Variants in GLI1 observed in about 807,000 individuals in gnomAD.
GLI1 encodes transcription activator GLI1.
Under a neutral mutation model 87.8 loss-of-function variants are expected in GLI1, and 51 were observed. That is an observed-to-expected ratio of 0.58 (90% CI 0.46 to 0.73). The LOEUF is 0.73. Among genes scored for constraint, GLI1 ranks in the 30% least tolerant of loss-of-function variants. GLI1 has a pLI of 0.00. For synonymous variants in GLI1, 528 were observed against 558.2 expected, an observed-to-expected ratio of 0.95 and a Z score of 0.76; for missense variants, 1,292 against 1,437.2, an observed-to-expected ratio of 0.90 and a Z score of 1.63.
rs1871460447 is a variant in GLI1 at position 57,466,061 on chromosome 12, A to G, written c.762+136A>G. Reference sequence around the variant, plus strand: ...TGCTCAGTTGGGTAGGCAGAAGCTCAGAAGTTGTAGCTTTGCCTTAGGGAG... The same window carrying G: ...TGCTCAGTTGGGTAGGCAGAAGCTCGGAAGTTGTAGCTTTGCCTTAGGGAG... On this transcript the variant is annotated intron_variant, in intron 7 of 11. Transcript: ENST00000228682. 4.7e-6 allele frequency: 5 copies of G among 1,067,574 alleles called. No homozygotes were observed. In the South Asian group the frequency reaches 7.4e-5, roughly 16 times the overall value. 66.1% of individuals were successfully genotyped at this position (1,067,574 alleles called of 1,614,324 possible). A position where few individuals can be genotyped will look rare whatever the true frequency, so the allele number is the denominator to read the frequency against.
chr12:57,466,840 G>A (rs1871520460), intron 8 of GLI1, among the ~76,000 whole-genome samples: 1 of 152,130 alleles, frequency 6.6e-6, no homozygotes, highest in South Asian at 2.1e-4. Context: ...GGAGGTGGAG[G>A]TTGCAGTGAG....
In GLI1 at chr12:57,470,573, G is replaced by A. The variant is rs2139865097; in HGVS notation, c.1833G>A (p.Arg611=). The change falls in exon 12 of 12, where the codon CGG becomes CGA. Residue 611 remains arginine (R), a synonymous_variant. Coordinates refer to ENST00000228682, the MANE Select transcript of GLI1 (RefSeq NM_005269.3). ...CCACTGCAGCATCCAGCCTGGATCG[G>A]ATAGGTGGTCTTCCCATGCCTCCTT... ...TSPTAASSLD[R]IGGLPMPPWR... is the part of the protein sequence containing the mutation. 1 of 1,614,110 alleles carries A rather than the reference G, an allele frequency of 6.2e-7. No homozygotes were observed. Among genetic ancestry groups the A allele is most frequent in the Non-Finnish European group, 8.5e-7 (1 of 1,180,034 alleles).
rs1871566273 is a variant in GLI1, at chr12:57,467,407, G to A, written c.987G>A (p.Lys329=). Residue 329 remains lysine, a synonymous_variant, in exon 9 of 12, where the codon AAG becomes AAA. Coordinates refer to ENST00000228682, the MANE Select transcript of GLI1 (RefSeq NM_005269.3). ...ACCTGCGGTCACACACGGGTGAGAA[G>A]CCATACATGTGTGAGCACGAGGGCT... ...KTHLRSHTGE[K]PYMCEHEGCS... is the part of the protein sequence containing the mutation. 1.2e-6 allele frequency: 2 copies of A among 1,613,226 alleles called. No individual in the cohort carries two copies. Among genetic ancestry groups the A allele is most frequent in the Non-Finnish European group, 1.7e-6 (2 of 1,179,272 alleles).
Position 57,471,113 on chromosome 12 carries a change from A to C in GLI1, c.2373A>C (p.Pro791=). The change falls in exon 12 of 12, where the codon CCA becomes CCC. Residue 791 remains proline, a synonymous_variant. Transcript: ENST00000228682. The surrounding 1 kb of genome is among the most constrained non-coding windows in gnomAD (Gnocchi z 4.9). ...TCCCTTCCCACTCTGGGCTGTACCCAGGCCCCAAGGCTCTAGGTGGAACCT... is the reference window on the plus strand; with the variant it reads ...TCCCTTCCCACTCTGGGCTGTACCCCGGCCCCAAGGCTCTAGGTGGAACCT... The part of the protein sequence containing the change: ...GEFPSHSGLY[P]GPKALGGTYS... 1.2e-6 allele frequency: 2 copies of C among 1,613,358 alleles called. No homozygotes were observed. Among genetic ancestry groups the C allele is most frequent in the Non-Finnish European group, 1.7e-6 (2 of 1,179,674 alleles).
rs1339134061 is a variant in GLI1, at chr12:57,470,865, G to T, written c.2125G>T (p.Val709Phe). The T allele has an allele frequency of 5.6e-6, 9 of 1,610,750 alleles. No individual in the cohort carries two copies. Among genetic ancestry groups the T allele is most frequent in the African/African-American group, 1.3e-5 (1 of 74,960 alleles). Residue 709 changes from valine to phenylalanine, a missense_variant, in exon 12 of 12, where the codon GTT becomes TTT. Physicochemically the swap from Val to Phe is conservative, Grantham distance 50. Transcript: ENST00000228682. ...DARGLQEEPE[V>F]GTSMVGSGLN... ...TAGAGGGCTACAGGAAGAGCCAGAA[G>T]TTGGGACCTCCATGGTGGGCAGTGG...
chr12:57,463,737 C>T lies in GLI1; in HGVS notation c.46C>T (p.Pro16Ser). ...TPPPISSYGE[P>S]CCLRPLPSQG... ...ACCACCAATCAGTAGCTATGGCGAG[C>T]CCTGCTGTCTCCGGCCCCTCCCCAG... The change falls in exon 2 of 12, where the codon CCC (proline) becomes TCC (serine). Residue 16 changes from proline to serine, a missense_variant. Around this residue, in one of 3 missense-constraint regions of GLI1, gnomAD observed 383 missense variants for 368.4 expected, o/e 1.04. Transcript: ENST00000228682. 6.2e-7 allele frequency: 1 copy of T among 1,612,170 alleles called. No individual in the cohort carries two copies.
At chr12:57,465,344 G>T in intron 5 of GLI1, 89 bp downstream of exon 5, 2 of 1,247,064 alleles carry the variant, frequency 1.6e-6, no homozygotes, top group Non-Finnish European at 2.3e-6. Context: ...GGAAGGACAA[G>T]GGATATAAGT....
In GLI1 at chr12:57,471,432, G is replaced by T. The variant is rs147494642; in HGVS notation, c.2692G>T (p.Val898Leu). Residue 898 changes from valine to leucine, a missense_variant, in exon 12 of 12, where the codon GTG (valine) becomes TTG (leucine). Transcript: ENST00000228682. This position sits in a 1 kb window ranked among gnomAD's most constrained non-coding sequence, Gnocchi z 4.9. ...HSTGQLKAQL[V>L]CNYVQSQQEL... ...CACAGGGCAGCTCAAGGCTCAGCTT[G>T]TGTGTAATTATGTTCAATCTCAACA... 5 of 1,613,758 alleles carry T rather than the reference G, an allele frequency of 3.1e-6. No homozygotes were observed. In the African/African-American group the frequency reaches 4.0e-5, roughly 13 times the overall value.
In GLI1 at chr12:57,467,330, C is replaced by T; in HGVS notation, c.913-3C>T. On this transcript the variant is annotated splice_polypyrimidine_tract_variant and splice_region_variant and intron_variant, in intron 8 of 11. Coordinates refer to ENST00000228682, the MANE Select transcript of GLI1 (RefSeq NM_005269.3). The stretch of plus-strand genomic sequence containing the variant: ...TATCCTTTGACCCCTGCATGTCCCC[C>T]AGTTTGAAGGGTGCCGGAAGTCATA... 6.2e-7 allele frequency: 1 copy of T among 1,600,884 alleles called. No individual in the cohort carries two copies. The highest frequency in any genetic ancestry group is 8.5e-7 in the Non-Finnish European group (1 of 1,169,896).
At chr12:57,469,399 G>C (rs746068802) in intron 10 of GLI1, 32 bp from the exon 11 acceptor site, 1 of 1,604,842 alleles carries the variant, frequency 6.2e-7, no homozygotes, top group Non-Finnish European at 8.5e-7. Flanking sequence ...TGTGGGGAAG[G>C]GTGTTGCCCT....
chr12:57,470,493 C>G lies in GLI1; in HGVS notation c.1753C>G (p.Gln585Glu). The G allele has an allele frequency of 6.2e-7, 1 of 1,614,042 alleles. No individual in the cohort carries two copies. The highest frequency in any genetic ancestry group is 8.5e-7 in the Non-Finnish European group (1 of 1,179,954). Reference protein sequence around the residue: ...ASSLPGLMPAQHYLLRARYAS... With the variant: ...ASSLPGLMPAEHYLLRARYAS... ...CTCCCTGCCTGGCCTTATGCCTGCC[C>G]AGCACTACCTGCTTCGGGCAAGATA... The change falls in exon 12 of 12, where the codon CAG becomes GAG. Residue 585 changes from glutamine (Q) to glutamate (E), a missense_variant. Gln to Glu is a conservative substitution (Grantham distance 29). Transcript: ENST00000228682.
intron 7 of GLI1, 111 bp from the exon 8 acceptor site, chr12:57,466,129 T>C (rs1198081221): frequency 3.8e-5 from 46 of 1,217,418 alleles, no homozygotes; most frequent in Non-Finnish European, 5.3e-5. Context: ...CTCCTGCCTC[T>C]TCCTCCTTGA....
At chr12:57,463,217 G>A (rs3782125) in intron 1 of GLI1, among the ~76,000 whole-genome samples, 73,417 of 151,858 alleles carry the variant, frequency 0.48, 20,106 homozygotes, top group Middle Eastern at 0.71. Flanking sequence ...CACTCAGCGA[G>A]TGATGCTTTT....
chr12:57,466,459 G>A, intron 8 of GLI1, 70 bp downstream of exon 8: 1 of 1,235,542 alleles, frequency 8.1e-7, no homozygotes, highest in Non-Finnish European at 1.1e-6. Flanking sequence ...TAGGGCCCAA[G>A]GCAGACTTTT....
intron 3 of GLI1, 61 bp from the exon 4 acceptor site, chr12:57,464,612 G>A: frequency 8.2e-7 from 1 of 1,226,192 alleles, no homozygotes; most frequent in Non-Finnish European, 1.2e-6. Context: ...GGACCCATAG[G>A]TTAGGTGCAT....
rs1276506226 is a variant in GLI1, at chr12:57,470,906, G to C, written c.2166G>C (p.Met722Ile). 6.2e-7 allele frequency: 1 copy of C among 1,613,712 alleles called. No homozygotes were observed. The highest frequency in any genetic ancestry group is 8.5e-7 in the Non-Finnish European group (1 of 1,179,844). ...TGGGCAGTGGTCTGAACCCCTATAT[G>C]GACTTCCCACCTACTGATACTCTGG... is the stretch of plus-strand genomic sequence containing the variant. ...SMVGSGLNPY[M>I]DFPPTDTLGY... Residue 722 changes from methionine to isoleucine, a missense_variant, in exon 12 of 12, where the codon ATG becomes ATC. Physicochemically the swap from Met to Ile is conservative, Grantham distance 10. Coordinates refer to ENST00000228682, the MANE Select transcript of GLI1 (RefSeq NM_005269.3).
rs1182489505 is a variant in GLI1 at position 57,464,242 on chromosome 12, G to A, written c.193+151G>A. On this transcript the variant is annotated intron_variant, in intron 3 of 11. Transcript: ENST00000228682. ...CATCAAGAAGTCACAGATGGGGCCG[G>A]GCGCGGTGGCTCACGCCTGTAATCC... 9.2e-6 allele frequency: 6 copies of A among 654,114 alleles called. No individual in the cohort carries two copies. In the African/African-American group the frequency reaches 1.1e-4, roughly 12 times the overall value. The allele number at this position is 654,114 out of a possible 1,614,324, so 40.5% of individuals were successfully genotyped here. A position where few individuals can be genotyped will look rare whatever the true frequency, so the allele number is the denominator to read the frequency against.
In GLI1 at chr12:57,471,323, G is replaced by A; in HGVS notation, c.2583G>A (p.Gln861=). ...YPQPSPPQYL[Q]SGPYTQPPPD... ...AGCCCTCTCCTCCCCAATATCTCCAGTCAGGCCCCTATACCCAGCCACCCC... is the reference window on the plus strand; with the variant it reads ...AGCCCTCTCCTCCCCAATATCTCCAATCAGGCCCCTATACCCAGCCACCCC... Residue 861 remains glutamine (Q), a synonymous_variant, in exon 12 of 12, where the codon CAG becomes CAA. Transcript: ENST00000228682. The surrounding 1 kb of genome is among the most constrained non-coding windows in gnomAD (Gnocchi z 4.9). 6.3e-7 allele frequency: 1 copy of A among 1,575,954 alleles called. No individual in the cohort carries two copies. The highest frequency in any genetic ancestry group is 1.2e-5 in the South Asian group (1 of 85,336).
At chr12:57,461,476 A>C (rs1469513655) in intron 1 of GLI1, among the ~76,000 whole-genome samples, 1 of 152,062 alleles carries the variant, frequency 6.6e-6, no homozygotes, top group Non-Finnish European at 1.5e-5. Context: ...ATACACACCT[A>C]ATTTTATTGA....
Sources: allele counts gnomAD v4.1 joint callset (sites outside exome capture counted in the v4.1 genomes callset), GRCh38; gene constraint gnomAD v4.1.1; regional missense constraint gnomAD v4.1.1; non-coding constraint Gnocchi (gnomAD v3.1); transcripts MANE v1.5; gene names NCBI Gene and HGNC (gene_info 2026-07-23, HGNC 2026-07-21).